Variants in CYP2C19 observed in about 807,000 individuals in gnomAD.
CYP2C19 encodes cytochrome P450 family 2 subfamily C member 19.
A neutral mutation model predicts 40.9 loss-of-function variants in CYP2C19; 59 were observed. The observed-to-expected ratio is 1.44, with a 90% CI of 1.17 to 1.79. The LOEUF (loss-of-function observed/expected upper bound fraction) is 1.79. Ranked by LOEUF, CYP2C19 falls within the 40% of genes most tolerant of loss-of-function variation. The pLI is 0.00. For synonymous variants in CYP2C19, 253 were observed against 208.7 expected (o/e 1.21, Z -1.83); for missense variants, 754 against 596.9 (o/e 1.26, Z -2.74).
At chr10:94,843,772 G>A (rs981225599) in intron 7 of CYP2C19, among the ~76,000 whole-genome samples, 3 of 151,968 alleles carry the variant, frequency 2.0e-5, no homozygotes, top group African/African-American at 4.8e-5. Context: ...ATTCATTATT[G>A]CATTGGCTAG....
chr10:94,772,435 C>A (rs753259948), intron 1 of CYP2C19, among the ~76,000 whole-genome samples: 1 of 152,046 alleles, frequency 6.6e-6, no homozygotes, highest in Non-Finnish European at 1.5e-5. Context: ...TTTTTAGAAG[C>A]GGGACTAGCC....
intron 1 of CYP2C19, among the ~76,000 whole-genome samples, chr10:94,763,456 T>C (rs1240530513): frequency 6.6e-6 from 1 of 152,134 alleles, no homozygotes; most frequent in East Asian, 1.9e-4. Context: ...GGTTTAGTAA[T>C]AGTAGAAAGA....
intron 5 of CYP2C19, among the ~76,000 whole-genome samples, chr10:94,791,972 C>A (rs1848610917): frequency 6.6e-6 from 1 of 152,048 alleles, no homozygotes; most frequent in South Asian, 2.1e-4. Flanking sequence ...GTGTTAAAGC[C>A]TCCCATTATT....
At chr10:94,837,746 A>C (rs1179068774) in intron 6 of CYP2C19, among the ~76,000 whole-genome samples, 1 of 152,100 alleles carries the variant, frequency 6.6e-6, no homozygotes, top group Non-Finnish European at 1.5e-5. Context: ...ATGGTCAAGC[A>C]TACCCGGGGT....
intron 1 of CYP2C19, among the ~76,000 whole-genome samples, chr10:94,765,280 A>ATGGGGTACTGG (rs1175470391): frequency 6.6e-6 from 1 of 151,984 alleles, no homozygotes; most frequent in Non-Finnish European, 1.5e-5. Context: ...AGGGGTACTG[A>ATGGGGTACTGG]TAGGGTCTGA....
At chr10:94,823,661 C>T (rs1430775604) in intron 6 of CYP2C19, among the ~76,000 whole-genome samples, 2 of 152,058 alleles carry the variant, frequency 1.3e-5, no homozygotes, top group Admixed American at 1.3e-4. Context: ...TATACCAGGT[C>T]ATATTGAAAG....
At chr10:94,849,494 A>C (rs1282897122) in intron 7 of CYP2C19, among the ~76,000 whole-genome samples, 1 of 151,944 alleles carries the variant, frequency 6.6e-6, no homozygotes, top group Non-Finnish European at 1.5e-5. Flanking sequence ...TTTTATTATC[A>C]TTATACTTTA....
At chr10:94,788,760 G>A (rs759416710) in intron 5 of CYP2C19, among the ~76,000 whole-genome samples, 3 of 152,284 alleles carry the variant, frequency 2.0e-5, no homozygotes, top group Admixed American at 2.0e-4. Flanking sequence ...ATTGGCATTT[G>A]TGTTGGTTCC....
At chr10:94,785,916 G>A (rs1199179124) in intron 5 of CYP2C19, among the ~76,000 whole-genome samples, 1 of 152,076 alleles carries the variant, frequency 6.6e-6, no homozygotes, top group Admixed American at 6.6e-5. Flanking sequence ...TAACATTAGA[G>A]TGGGTTGGCC....
At chr10:94,820,143 A>G (rs1156613007) in intron 5 of CYP2C19, among the ~76,000 whole-genome samples, 1 of 151,992 alleles carries the variant, frequency 6.6e-6, no homozygotes. Flanking sequence ...CAAAAACCAC[A>G]TCATTATCTC....
At chr10:94,817,328 A>G (rs1285317879) in intron 5 of CYP2C19, among the ~76,000 whole-genome samples, 1 of 151,018 alleles carries the variant, frequency 6.6e-6, no homozygotes, top group Non-Finnish European at 1.5e-5. Flanking sequence ...TCTGATGGCC[A>G]GTGATGATGA....
At chr10:94,765,385 A>G (rs1169187213) in intron 1 of CYP2C19, among the ~76,000 whole-genome samples, 1 of 152,088 alleles carries the variant, frequency 6.6e-6, no homozygotes, top group African/African-American at 2.4e-5. Context: ...GACATTCCAC[A>G]TAAGAAGAAT....
At chr10:94,798,814 A>ATTTTTTTTTTTTTTTTTTTTTTT (rs61240923) in intron 5 of CYP2C19, among the ~76,000 whole-genome samples, 1 of 67,698 alleles carries the variant, frequency 1.5e-5, no homozygotes, top group Non-Finnish European at 2.8e-5. Context: ...GCAACCCCTG[A>ATTTTTTTTTTTTTTTTTTTTTTT]TTTTTTTTTT....
At chr10:94,829,443 G>A (rs543016514) in intron 6 of CYP2C19, among the ~76,000 whole-genome samples, 14 of 152,168 alleles carry the variant, frequency 9.2e-5, no homozygotes, top group Middle Eastern at 3.4e-3. Context: ...CCAGTTGATC[G>A]CATTGGCTCC....
chr10:94,800,885 T>G (rs1848754659), intron 5 of CYP2C19, among the ~76,000 whole-genome samples: 1 of 152,178 alleles, frequency 6.6e-6, no homozygotes, highest in Admixed American at 6.5e-5. Flanking sequence ...AAGCACAGTA[T>G]TTGAGTGAGA....
At chr10:94,813,510 G>A (rs1346308165) in intron 5 of CYP2C19, among the ~76,000 whole-genome samples, 1 of 151,968 alleles carries the variant, frequency 6.6e-6, no homozygotes, top group East Asian at 1.9e-4. Context: ...GGGCAGTATG[G>A]CTACAGTGGC....
At chr10:94,838,153 C>T (rs949624003) in intron 6 of CYP2C19, among the ~76,000 whole-genome samples, 3 of 152,114 alleles carry the variant, frequency 2.0e-5, no homozygotes, top group South Asian at 2.1e-4. Flanking sequence ...TCCTAGTTTT[C>T]CTTAGTCCTT....
intron 5 of CYP2C19, among the ~76,000 whole-genome samples, chr10:94,803,794 G>A (rs1848797482): frequency 6.6e-6 from 1 of 152,168 alleles, no homozygotes; most frequent in South Asian, 2.1e-4. Context: ...TGAGTGTGAA[G>A]GAGAGAGAGC....
chr10:94,792,369 A>T (rs954121142), intron 5 of CYP2C19, among the ~76,000 whole-genome samples: 3 of 151,936 alleles, frequency 2.0e-5, no homozygotes, highest in Middle Eastern at 3.4e-3. Context: ...TTTAAGGTTA[A>T]TATTCTGTGA....
Sources: gnomAD v4.1 joint callset for allele counts (sites outside exome capture counted in the v4.1 genomes callset) on GRCh38, gnomAD v4.1.1 for gene constraint, MANE v1.5 for transcripts, NCBI Gene and HGNC (gene_info 2026-07-23, HGNC 2026-07-21) for gene names.